The following CTNND2 variants were observed in gnomAD, a reference collection of about 807,000 sequenced individuals.
CTNND2 encodes catenin delta 2, also known as catenin delta-2.
Under a neutral mutation model 144.4 loss-of-function variants are expected in CTNND2, and 22 were observed. That is an observed-to-expected ratio of 0.15 (90% confidence interval 0.11 to 0.22). The LOEUF (loss-of-function observed/expected upper bound fraction) is 0.22. Among genes scored for constraint, CTNND2 ranks in the 10% least tolerant of loss-of-function variants. The probability of loss-of-function intolerance (pLI) is 1.00; values close to 1 mark genes in which losing one functional copy is unlikely to be tolerated. For missense variants in CTNND2, 1,353 were observed against 1,618.8 expected (o/e 0.84, Z 2.82); for synonymous variants, 751 against 695.6 (o/e 1.08, Z -1.25).
chr5:11,504,294 C>T (rs541303367), intron 3 of CTNND2, among the ~76,000 whole-genome samples: 7 of 152,220 alleles, frequency 4.6e-5, no homozygotes, highest in South Asian at 2.1e-4. Flanking sequence ...ATGATGATGA[C>T]GACGATGACT....
chr5:11,411,288 A>G (rs1422080749), intron 5 of CTNND2, among the ~76,000 whole-genome samples: 1 of 152,210 alleles, frequency 6.6e-6, no homozygotes, highest in Non-Finnish European at 1.5e-5. Context: ...GAGAATCACC[A>G]GTATGTCAGT....
At chr5:11,747,466 T>C (rs1002089770) in intron 1 of CTNND2, among the ~76,000 whole-genome samples, 1 of 152,218 alleles carries the variant, frequency 6.6e-6, no homozygotes, top group Non-Finnish European at 1.5e-5. Flanking sequence ...ACACAGTGAC[T>C]GTCCAGAATA....
At chr5:11,699,626 T>C (rs1215269181) in intron 2 of CTNND2, among the ~76,000 whole-genome samples, 1 of 152,108 alleles carries the variant, frequency 6.6e-6, no homozygotes, top group Non-Finnish European at 1.5e-5. Context: ...GAAAGGAATA[T>C]TTAAAGGACA....
intron 9 of CTNND2, among the ~76,000 whole-genome samples, chr5:11,240,595 A>C (rs542090148): frequency 5.9e-4 from 79 of 134,430 alleles, no homozygotes; most frequent in African/African-American, 2.0e-3. Flanking sequence ...TACTCAGCAC[A>C]CACACCCAAC....
At chr5:11,017,892 A>T (rs779300027) in intron 18 of CTNND2, 82 bp downstream of exon 18, 54 of 1,055,654 alleles carry the variant, frequency 5.1e-5, no homozygotes, top group Non-Finnish European at 7.8e-5. Flanking sequence ...AGGCTGTGGG[A>T]AAGTGCCCTC....
chr5:11,459,965 T>C (rs971539226), intron 3 of CTNND2, among the ~76,000 whole-genome samples: 3 of 152,216 alleles, frequency 2.0e-5, no homozygotes, highest in Admixed American at 6.5e-5. Flanking sequence ...ATGACTATTC[T>C]TATATTGCAA....
chr5:10,998,063 A>G (rs570397312), intron 18 of CTNND2, among the ~76,000 whole-genome samples: 38 of 152,262 alleles, frequency 2.5e-4, no homozygotes, highest in African/African-American at 8.7e-4. Flanking sequence ...AATGTCAGAA[A>G]ACTGAGTGTA....
chr5:11,671,053 A>G (rs1444838453), intron 2 of CTNND2, among the ~76,000 whole-genome samples: 2 of 152,206 alleles, frequency 1.3e-5, no homozygotes, highest in Non-Finnish European at 1.5e-5. Context: ...TTGGCTGCAT[A>G]TGAAATTCTG....
intron 1 of CTNND2, among the ~76,000 whole-genome samples, chr5:11,788,320 G>A (rs1392661441): frequency 7.4e-6 from 1 of 136,046 alleles, no homozygotes; most frequent in African/African-American, 2.6e-5. Context: ...CCCTAGTCCT[G>A]TCCTCAAATC....
rs563324394 is a variant in CTNND2 at position 11,555,967 on chromosome 5, A to G, written c.287+8977T>C. ...GCAGACACTCTCAAAGACTTTGGAA[A>G]TGACTACTGCAATGTTAATTCTGAA... On this transcript the variant is annotated intron_variant, in intron 3 of 21. Transcript: ENST00000304623. Among the ~76,000 whole-genome samples, 4 of 152,288 alleles carry G rather than the reference A, an allele frequency of 2.6e-5. No homozygotes were observed. In the South Asian group the frequency reaches 8.3e-4, roughly 32 times the overall value.
At chr5:11,632,952 G>C (rs1055891389) in intron 2 of CTNND2, among the ~76,000 whole-genome samples, 2 of 152,070 alleles carry the variant, frequency 1.3e-5, no homozygotes, top group African/African-American at 2.4e-5. Flanking sequence ...TATGCAACAT[G>C]AACAATAGAC....
At chr5:11,803,697 A>T (rs1791827143) in intron 1 of CTNND2, among the ~76,000 whole-genome samples, 1 of 152,154 alleles carries the variant, frequency 6.6e-6, no homozygotes. Context: ...CTGTGAGACG[A>T]GTTCACTTCC....
intron 9 of CTNND2, among the ~76,000 whole-genome samples, chr5:11,323,382 C>T (rs1204268909): frequency 6.6e-6 from 1 of 152,072 alleles, no homozygotes; most frequent in African/African-American, 2.4e-5. Flanking sequence ...TACTCTGGCT[C>T]TTAAATTCAA....
chr5:11,191,924 C>T (rs1736285289), intron 11 of CTNND2, among the ~76,000 whole-genome samples: 1 of 152,190 alleles, frequency 6.6e-6, no homozygotes. Flanking sequence ...TGCCTGCTGG[C>T]CCGTGTCAAC....
chr5:10,974,106 C>A (rs532790948), intron 21 of CTNND2, among the ~76,000 whole-genome samples: 2 of 152,304 alleles, frequency 1.3e-5, no homozygotes, highest in Non-Finnish European at 2.9e-5. Context: ...AATTCCTCAT[C>A]CCCTCTCTCT....
intron 1 of CTNND2, among the ~76,000 whole-genome samples, chr5:11,896,795 T>A (rs898841046): frequency 1.1e-4 from 16 of 152,192 alleles, no homozygotes; most frequent in African/African-American, 3.4e-4. Flanking sequence ...GCCTTGATTA[T>A]CTTCTTAGCT....
At chr5:11,833,797 T>C (rs1211749407) in intron 1 of CTNND2, among the ~76,000 whole-genome samples, 1 of 152,162 alleles carries the variant, frequency 6.6e-6, no homozygotes, top group Non-Finnish European at 1.5e-5. Flanking sequence ...GTCCTGGGAT[T>C]ACAGGCGTGA....
In CTNND2 at chr5:11,903,727, C is replaced by T; in HGVS notation, c.37+90G>A. ...GCCGCCGCCGCCTGCCGGCCGGGAGCCCAGGACCACCCCCACCAGCGGCAA... is the reference window on the plus strand; with the variant it reads ...GCCGCCGCCGCCTGCCGGCCGGGAGTCCAGGACCACCCCCACCAGCGGCAA... On this transcript the variant is annotated intron_variant, in intron 1 of 21. Coordinates refer to ENST00000304623, the MANE Select transcript of CTNND2 (RefSeq NM_001332.4). This position sits in a 1 kb window ranked among gnomAD's most constrained non-coding sequence, Gnocchi z 5.4. The T allele has an allele frequency of 7.5e-7, 1 of 1,334,954 alleles. No homozygotes were observed. Among genetic ancestry groups the T allele is most frequent in the Non-Finnish European group, 9.9e-7 (1 of 1,009,896 alleles). 82.7% of individuals were successfully genotyped at this position (1,334,954 alleles called of 1,614,324 possible). A position where few individuals can be genotyped will look rare whatever the true frequency, so the allele number is the denominator to read the frequency against.
At chr5:11,613,560 G>C (rs942349545) in intron 2 of CTNND2, among the ~76,000 whole-genome samples, 3 of 152,168 alleles carry the variant, frequency 2.0e-5, no homozygotes, top group Non-Finnish European at 4.4e-5. Flanking sequence ...CCTCTGAATT[G>C]AATTTGTATG....
Sources: allele counts gnomAD v4.1 joint callset (sites outside exome capture counted in the v4.1 genomes callset), GRCh38; gene constraint gnomAD v4.1.1; non-coding constraint Gnocchi (gnomAD v3.1); transcripts MANE v1.5; gene names NCBI Gene and HGNC (gene_info 2026-07-23, HGNC 2026-07-21).